The following KCNN3 variants were observed in gnomAD, a reference collection of about 807,000 sequenced individuals.
KCNN3 encodes small conductance calcium-activated potassium channel protein 3.
KCNN3 carries 16 observed loss-of-function variants against 62.9 expected under a neutral mutation model. The ratio of observed to expected loss-of-function variants is 0.25; its 90% CI spans 0.17 to 0.39. The LOEUF is 0.39. KCNN3 is among the 10% of genes least tolerant of loss of function. KCNN3 has a pLI of 1.00. For synonymous variants in KCNN3, 370 were observed against 389.2 expected, an observed-to-expected ratio of 0.95 and a Z score of 0.58; for missense variants, 599 against 949.4, an observed-to-expected ratio of 0.63 and a Z score of 4.85.
intron 4 of KCNN3, among the ~76,000 whole-genome samples, chr1:154,728,319 G>A (rs1700512457): frequency 6.6e-6 from 1 of 152,210 alleles, no homozygotes; most frequent in Non-Finnish European, 1.5e-5. Flanking sequence ...ACATAGAGAT[G>A]TTATGACTCC....
rs1046708027 is a variant in KCNN3 at position 154,737,212 on chromosome 1, G to GT, written c.1449-4069_1449-4068insA. The GT allele has an allele frequency of 1.8e-4, 51 of 280,550 alleles. 3 individuals are homozygous for GT. In the East Asian group the frequency reaches 2.4e-3, roughly 13 times the overall value. The allele number at this position is 280,550 out of a possible 1,614,324, so 17.4% of individuals were successfully genotyped here. A position where few individuals can be genotyped will look rare whatever the true frequency, so the allele number is the denominator to read the frequency against. On this transcript the variant is annotated intron_variant, in intron 3 of 7. Transcript: ENST00000271915. ...TTTTTTGCAATAGAAAATTTGGGGG[G>GT]GGGGGATAGCTCCATGTTTTTCTTT... is the stretch of plus-strand genomic sequence containing the variant.
At chr1:154,741,345 C>A (rs1366173614) in intron 3 of KCNN3, among the ~76,000 whole-genome samples, 1 of 152,162 alleles carries the variant, frequency 6.6e-6, no homozygotes, top group Non-Finnish European at 1.5e-5. Context: ...TTCTCTGTAG[C>A]CTTTCCTTGG....
intron 3 of KCNN3, among the ~76,000 whole-genome samples, chr1:154,756,929 A>G (rs1198758723): frequency 6.6e-6 from 1 of 152,182 alleles, no homozygotes; most frequent in Non-Finnish European, 1.5e-5. Flanking sequence ...ACCTATACAT[A>G]ACAGTATTAT....
At chr1:154,724,861 T>C (rs187808265) in intron 5 of KCNN3, among the ~76,000 whole-genome samples, 30 of 119,848 alleles carry the variant, frequency 2.5e-4, no homozygotes, top group Middle Eastern at 4.9e-3. Context: ...GAATGATTCT[T>C]TTTTTTTTTT....
rs1571196579 is a variant in KCNN3 at position 154,708,006 on chromosome 1, C to T, written c.2166G>A (p.Pro722=). ...AACTGCTTGAACTTGTGTACGGGGT[C>T]GGGAAGGAGGTGGAGCTGACCCCAA... is the stretch of plus-strand genomic sequence containing the variant. The part of the protein sequence containing the change: ...SPIGVSSTSF[P]TPYTSSSSC The change falls in exon 8 of 8, where the codon CCG becomes CCA. Residue 722 remains proline (P), a synonymous_variant. Coordinates refer to ENST00000271915, the MANE Select transcript of KCNN3 (RefSeq NM_002249.6). 1 of 1,613,268 alleles carries T rather than the reference C, an allele frequency of 6.2e-7. No individual in the cohort carries two copies. The highest frequency in any genetic ancestry group is 8.5e-7 in the Non-Finnish European group (1 of 1,179,632).
chr1:154,862,652 A>C lies in KCNN3; in HGVS notation c.933+6380T>G, dbSNP rs957708369. Among the ~76,000 whole-genome samples, 14 of 152,026 alleles carry C rather than the reference A, an allele frequency of 9.2e-5. No homozygotes were observed. Among genetic ancestry groups the C allele is most frequent in the African/African-American group, 3.1e-4 (13 of 41,386 alleles). ...CAGCACCAGACCCCAGAGAGGAGGCATCAAGAACTGACCTTGGGCCAGTCC... is the reference window on the plus strand; with the variant it reads ...CAGCACCAGACCCCAGAGAGGAGGCCTCAAGAACTGACCTTGGGCCAGTCC... On this transcript the variant is annotated intron_variant, in intron 1 of 7. Transcript: ENST00000271915. The surrounding 1 kb of genome is among the most constrained non-coding windows in gnomAD (Gnocchi z 4.1).
intron 3 of KCNN3, among the ~76,000 whole-genome samples, chr1:154,749,335 C>G (rs1014322815): frequency 2.6e-5 from 4 of 152,194 alleles, no homozygotes; most frequent in Non-Finnish European, 5.9e-5. Context: ...TTATGCTTTC[C>G]AAAGATAATT....
intron 3 of KCNN3, among the ~76,000 whole-genome samples, chr1:154,768,643 C>G (rs902918236): frequency 1.3e-5 from 2 of 152,194 alleles, no homozygotes; most frequent in African/African-American, 4.8e-5. Flanking sequence ...CTTGCTGCCC[C>G]CAGGCAAGGG....
intron 4 of KCNN3, among the ~76,000 whole-genome samples, chr1:154,728,522 G>A (rs1700520936): frequency 6.6e-6 from 1 of 152,124 alleles, no homozygotes; most frequent in Admixed American, 6.5e-5. Flanking sequence ...TTCATAAAGT[G>A]GTGGAGGAAT....
chr1:154,868,619 T>C (rs1367571306), intron 1 of KCNN3, among the ~76,000 whole-genome samples: 1 of 151,268 alleles, frequency 6.6e-6, no homozygotes, highest in Non-Finnish European at 1.5e-5. Flanking sequence ...AGGCGGAGTG[T>C]AATTAATTGG....
At chr1:154,779,927 C>G (rs1648952173) in intron 2 of KCNN3, among the ~76,000 whole-genome samples, 1 of 152,192 alleles carries the variant, frequency 6.6e-6, no homozygotes, top group Non-Finnish European at 1.5e-5. Context: ...CTGACCTTTC[C>G]CTGGTTAGAG....
chr1:154,844,209 T>G (rs1651951464), intron 1 of KCNN3, among the ~76,000 whole-genome samples: 1 of 152,270 alleles, frequency 6.6e-6, no homozygotes, highest in South Asian at 2.1e-4. Flanking sequence ...TACACAGATT[T>G]GCATAATTCA....
At chr1:154,780,203 T>TC (rs1249591634) in intron 2 of KCNN3, among the ~76,000 whole-genome samples, 9 of 68,508 alleles carry the variant, frequency 1.3e-4, no homozygotes, top group Admixed American at 1.3e-3. Flanking sequence ...TCTTTTTTTT[T>TC]TTTTTTTTTT....
Position 154,705,606 on chromosome 1 carries a change from C to G in KCNN3, c.*2370G>C, listed in dbSNP as rs774941314. On this transcript the variant is annotated 3_prime_UTR_variant, in exon 8 of 8. Coordinates refer to ENST00000271915, the MANE Select transcript of KCNN3 (RefSeq NM_002249.6). ...ATCAATGATGGGTTAAAGTCACAGA[C>G]CACAATGAATAAATCACAGTCTGTG... 1 of 152,148 alleles carries G rather than the reference C, an allele frequency of 6.6e-6. No individual in the cohort carries two copies. The highest frequency in any genetic ancestry group is 1.5e-5 in the Non-Finnish European group (1 of 68,032). 9.4% of individuals were successfully genotyped at this position (152,148 alleles called of 1,614,324 possible). A position where few individuals can be genotyped will look rare whatever the true frequency, so the allele number is the denominator to read the frequency against.
intron 1 of KCNN3, among the ~76,000 whole-genome samples, chr1:154,829,110 T>C (rs1208579350): frequency 4.6e-5 from 7 of 152,176 alleles, no homozygotes; most frequent in African/African-American, 1.7e-4. Flanking sequence ...CATCGCCCCG[T>C]CACCTTGACA....
At chr1:154,825,418 T>C (rs967398020) in intron 1 of KCNN3, among the ~76,000 whole-genome samples, 1 of 145,110 alleles carries the variant, frequency 6.9e-6, no homozygotes, top group African/African-American at 2.6e-5. Context: ...CAGACTGGAG[T>C]GCAGTGGCAC....
Position 154,702,778 on chromosome 1 carries a change from A to G in KCNN3, c.*5198T>C, listed in dbSNP as rs986060515. 6 of 138,140 alleles carry G rather than the reference A, an allele frequency of 4.3e-5. No homozygotes were observed. In the East Asian group the frequency reaches 1.3e-3, roughly 30 times the overall value. The allele number at this position is 138,140 out of a possible 1,614,324, so 8.6% of individuals were successfully genotyped here. A position where few individuals can be genotyped will look rare whatever the true frequency, so the allele number is the denominator to read the frequency against. On this transcript the variant is annotated 3_prime_UTR_variant, in exon 8 of 8. Transcript: ENST00000271915. ...TTTTTCTTTTTGGCTATAAATGTCA[A>G]CATCTCTTTGGGATCCTAACTGCAG...
chr1:154,737,751 G>T (rs1335139100), intron 3 of KCNN3, among the ~76,000 whole-genome samples: 1 of 152,162 alleles, frequency 6.6e-6, no homozygotes, highest in Non-Finnish European at 1.5e-5. Context: ...AAAAGACAAA[G>T]AATGAAAATG....
chr1:154,714,271 TG>T (rs1439115590), intron 6 of KCNN3, among the ~76,000 whole-genome samples: 4 of 51,404 alleles, frequency 7.8e-5, no homozygotes, highest in Admixed American at 4.2e-4. Context: ...GTGTGGTATG[TG>T]GTGTGTGTGG....
Sources: allele counts gnomAD v4.1 joint callset (sites outside exome capture counted in the v4.1 genomes callset), GRCh38; gene constraint gnomAD v4.1.1; non-coding constraint Gnocchi (gnomAD v3.1); transcripts MANE v1.5; gene names NCBI Gene and HGNC (gene_info 2026-07-23, HGNC 2026-07-21).